The following CSMD1 variants were observed in gnomAD, a reference collection of about 807,000 sequenced individuals.
CSMD1 encodes the protein CUB and Sushi multiple domains 1.
Under a neutral mutation model 417.5 loss-of-function variants are expected in CSMD1, and 213 were observed. The observed-to-expected ratio is 0.51, with a 90% CI of 0.46 to 0.57. The LOEUF (loss-of-function observed/expected upper bound fraction) is 0.57. Ranked by LOEUF, CSMD1 falls within the 20% of genes least tolerant of loss-of-function variation. The pLI is 0.00. For synonymous variants in CSMD1, 2,862 were observed against 1,736.8 expected (o/e 1.65, Z -16.11); for missense variants, 6,923 against 4,529.7 (o/e 1.53, Z -15.17).
At chr8:2,940,467 C>T (rs896294229) in intron 69 of CSMD1, among the ~76,000 whole-genome samples, 1 of 152,068 alleles carries the variant, frequency 6.6e-6, no homozygotes, top group African/African-American at 2.4e-5. Context: ...GATTCCCCAC[C>T]GACCCAGAGG....
chr8:3,104,820 G>C (rs1030903416), intron 46 of CSMD1, among the ~76,000 whole-genome samples: 2 of 150,664 alleles, frequency 1.3e-5, no homozygotes, highest in Non-Finnish European at 2.9e-5. Flanking sequence ...CAATTCTCCT[G>C]ACTCAGCCAC....
chr8:3,981,831 C>G (rs1297721587), intron 5 of CSMD1, among the ~76,000 whole-genome samples: 2 of 152,226 alleles, frequency 1.3e-5, no homozygotes, highest in South Asian at 2.1e-4. Flanking sequence ...AGTGAGTCAG[C>G]AGGAGGGCGT....
chr8:4,300,208 T>A (rs1341630033), intron 3 of CSMD1, among the ~76,000 whole-genome samples: 1 of 152,186 alleles, frequency 6.6e-6, no homozygotes, highest in African/African-American at 2.4e-5. Context: ...AGAAGGTGTG[T>A]AATGTTCAGT....
At chr8:3,489,355 T>A (rs1255055727) in intron 11 of CSMD1, among the ~76,000 whole-genome samples, 1 of 152,192 alleles carries the variant, frequency 6.6e-6, no homozygotes, top group Admixed American at 6.5e-5. Context: ...TTCATTCTCA[T>A]AGAGGGACGG....
At chr8:3,758,675 A>G (rs1297055030) in intron 5 of CSMD1, among the ~76,000 whole-genome samples, 1 of 152,242 alleles carries the variant, frequency 6.6e-6, no homozygotes. Flanking sequence ...ATTTAGAAGA[A>G]AAGAATTCAA....
rs149798000 is a variant in CSMD1 at position 3,167,437 on chromosome 8, T to C, written c.5726-5160A>G. Reference sequence around the variant, plus strand: ...ATTAAATGTGAAGACAACATAAAGGTAATTCTTGTGCAATCTACACATTTA... The same window carrying C: ...ATTAAATGTGAAGACAACATAAAGGCAATTCTTGTGCAATCTACACATTTA... On this transcript the variant is annotated intron_variant, in intron 37 of 69. Transcript: ENST00000635120. 7.1e-3 allele frequency among the ~76,000 whole-genome samples: 1,079 copies of C among 151,582 alleles called. 5 individuals carry two copies. The highest frequency in any genetic ancestry group is 0.027 in the Middle Eastern group (8 of 294).
chr8:4,869,077 TAA>T (rs2116905632), intron 1 of CSMD1, among the ~76,000 whole-genome samples: 1 of 152,118 alleles, frequency 6.6e-6, no homozygotes, highest in South Asian at 2.1e-4. Flanking sequence ...AGTTGAATTT[TAA>T]AAGAGAAACA....
chr8:4,954,921 A>G (rs908429083), intron 1 of CSMD1, among the ~76,000 whole-genome samples: 1 of 152,206 alleles, frequency 6.6e-6, no homozygotes, highest in Non-Finnish European at 1.5e-5. Context: ...TGAAATGATC[A>G]GTGAAAACAT....
At chr8:4,741,648 C>G (rs1328765978) in intron 1 of CSMD1, among the ~76,000 whole-genome samples, 1 of 152,128 alleles carries the variant, frequency 6.6e-6, no homozygotes, top group Non-Finnish European at 1.5e-5. Flanking sequence ...CACGAGTTTA[C>G]TTAGGAATTT....
intron 1 of CSMD1, among the ~76,000 whole-genome samples, chr8:4,773,782 A>G (rs1285784819): frequency 1.3e-5 from 2 of 152,188 alleles, no homozygotes; most frequent in African/African-American, 4.8e-5. Flanking sequence ...AATTAATATT[A>G]TCAATCTACA....
At chr8:3,312,197 C>T (rs1805403224) in intron 23 of CSMD1, among the ~76,000 whole-genome samples, 1 of 152,112 alleles carries the variant, frequency 6.6e-6, no homozygotes, top group African/African-American at 2.4e-5. Flanking sequence ...ATTGCTTTTT[C>T]TATCAATCAT....
chr8:4,257,200 G>A (rs957848094), intron 3 of CSMD1, among the ~76,000 whole-genome samples: 8 of 590 alleles, frequency 0.014, no homozygotes, highest in Middle Eastern at 0.5. Flanking sequence ...ACATTTTTAA[G>A]CATGAGAGTT....
intron 41 of CSMD1, chr8:3,128,770 C>T (rs551766350): frequency 3.4e-5 from 14 of 416,160 alleles, no homozygotes; most frequent in African/African-American, 4.2e-5. Flanking sequence ...AAATTAATGG[C>T]GTACAATAAA....
intron 2 of CSMD1, among the ~76,000 whole-genome samples, chr8:4,576,936 T>A (rs959799915): frequency 6.6e-6 from 1 of 152,232 alleles, no homozygotes; most frequent in African/African-American, 2.4e-5. Context: ...TTTACTTATG[T>A]AGAAATCCTC....
chr8:4,821,161 C>A (rs1799501057), intron 1 of CSMD1, among the ~76,000 whole-genome samples: 1 of 152,158 alleles, frequency 6.6e-6, no homozygotes. Context: ...GTCACAGATC[C>A]TCTCTTCTCT....
chr8:4,690,184 T>A (rs746774725), intron 1 of CSMD1, among the ~76,000 whole-genome samples: 7 of 152,222 alleles, frequency 4.6e-5, no homozygotes, highest in Non-Finnish European at 1.0e-4. Flanking sequence ...GTTATTTACA[T>A]GTCAGTGCAG....
intron 10 of CSMD1, among the ~76,000 whole-genome samples, chr8:3,500,270 G>C (rs1201312350): frequency 1.3e-5 from 2 of 152,148 alleles, no homozygotes; most frequent in Non-Finnish European, 2.9e-5. Context: ...TCCTCTTTGT[G>C]AAGGAGGAAA....
At chr8:3,950,501 C>T (rs1178603331) in intron 5 of CSMD1, among the ~76,000 whole-genome samples, 3 of 152,200 alleles carry the variant, frequency 2.0e-5, no homozygotes, top group Non-Finnish European at 4.4e-5. Context: ...TTTACTTCTG[C>T]AGACTCCGTC....
intron 3 of CSMD1, among the ~76,000 whole-genome samples, chr8:4,414,236 G>C (rs67435161): frequency 0.16 from 24,951 of 152,076 alleles, 2,107 homozygotes; most frequent in East Asian, 0.26. Flanking sequence ...CTTGAGGGAT[G>C]TGTCAGAGGG....
Sources: allele counts gnomAD v4.1 joint callset (sites outside exome capture counted in the v4.1 genomes callset), GRCh38; gene constraint gnomAD v4.1.1; transcripts MANE v1.5; gene names NCBI Gene and HGNC (gene_info 2026-07-23, HGNC 2026-07-21).